The following COL21A1 variants were observed in gnomAD, a reference collection of about 807,000 sequenced individuals.
COL21A1 encodes the protein collagen alpha-1(XXI) chain.
In COL21A1, 149 loss-of-function variants were observed where a neutral mutation model predicts 137.9. The observed-to-expected ratio is 1.08, with a 90% CI of 0.95 to 1.24. The LOEUF (loss-of-function observed/expected upper bound fraction) is 1.24. COL21A1 is among the 50% of genes most tolerant of loss of function. The pLI is 0.00. For missense variants in COL21A1, 1,167 were observed against 1,158.4 expected, an observed-to-expected ratio of 1.01 and a Z score of -0.11; for synonymous variants, 456 against 391.5, an observed-to-expected ratio of 1.16 and a Z score of -1.95.
At chr6:56,352,439 T>A (rs896029419) in intron 1 of COL21A1, among the ~76,000 whole-genome samples, 1 of 151,938 alleles carries the variant, frequency 6.6e-6, no homozygotes, top group East Asian at 1.9e-4. Context: ...AATAGGTGTA[T>A]GTCAGAAAAT....
intron 1 of COL21A1, among the ~76,000 whole-genome samples, chr6:56,292,400 C>CA (rs913386973): frequency 7.1e-6 from 1 of 141,302 alleles, no homozygotes. Flanking sequence ...GACCCCCCCC[C>CA]TCCCCCGCCA....
chr6:56,193,334 A>T (rs1475204924), intron 1 of COL21A1, among the ~76,000 whole-genome samples: 4 of 152,180 alleles, frequency 2.6e-5, no homozygotes, highest in Admixed American at 6.5e-5. Context: ...TAAAAAATTT[A>T]AAAAAAGAAA....
chr6:56,190,530 A>G (rs1778595741), intron 1 of COL21A1, among the ~76,000 whole-genome samples: 1 of 152,230 alleles, frequency 6.6e-6, no homozygotes, highest in African/African-American at 2.4e-5. Flanking sequence ...AGCTGGTATC[A>G]TTCCTTCTGA....
chr6:56,130,080 A>T (rs1327077021), intron 12 of COL21A1, among the ~76,000 whole-genome samples: 1 of 149,748 alleles, frequency 6.7e-6, no homozygotes, highest in Non-Finnish European at 1.5e-5. Context: ...CAGGTTCTGA[A>T]GATTCCTCAC....
At chr6:56,307,626 CT>C (rs1218103515) in intron 1 of COL21A1, among the ~76,000 whole-genome samples, 1 of 152,234 alleles carries the variant, frequency 6.6e-6, no homozygotes, top group Admixed American at 6.5e-5. Flanking sequence ...TCTGTCACCC[CT>C]GTCTTTGACT....
intron 17 of COL21A1, among the ~76,000 whole-genome samples, chr6:56,099,643 TTG>T (rs1164817105): frequency 6.6e-6 from 1 of 150,870 alleles, no homozygotes; most frequent in African/African-American, 2.4e-5. Flanking sequence ...TCACCTCTCT[TTG>T]TGTTTCTTAT....
intron 1 of COL21A1, among the ~76,000 whole-genome samples, chr6:56,379,712 G>A (rs1387058779): frequency 6.6e-6 from 1 of 152,044 alleles, no homozygotes; most frequent in Non-Finnish European, 1.5e-5. Context: ...AAGAGCATAG[G>A]ATTTCGTATT....
intron 1 of COL21A1, among the ~76,000 whole-genome samples, chr6:56,360,606 A>T (rs181218236): frequency 6.6e-6 from 1 of 152,326 alleles, no homozygotes; most frequent in Admixed American, 6.5e-5. Context: ...ATTTAAAACC[A>T]AAATCGTGTA....
At chr6:56,137,789 A>T (rs576717476) in intron 12 of COL21A1, among the ~76,000 whole-genome samples, 1 of 152,320 alleles carries the variant, frequency 6.6e-6, no homozygotes, top group East Asian at 1.9e-4. Flanking sequence ...AAGGCAAGAC[A>T]TGGAATTAAT....
rs761746435 is a variant in COL21A1, at chr6:56,167,023, A to G, written c.1201-40T>C. The G allele has an allele frequency of 6.1e-6, 9 of 1,477,724 alleles. No individual in the cohort carries two copies. The East Asian group carries it at 1.8e-4, about 30-fold the overall frequency. 91.5% of individuals were successfully genotyped at this position (1,477,724 alleles called of 1,614,324 possible). On this transcript the variant is annotated intron_variant, in intron 6 of 29. Transcript: ENST00000244728. ...CCAGTAGAATTAAAGTTGAGGCACA[A>G]GCTAATTGTTTTATAAGAGCAACTC...
At chr6:56,337,483 C>T (rs889878185) in intron 1 of COL21A1, among the ~76,000 whole-genome samples, 4 of 152,196 alleles carry the variant, frequency 2.6e-5, no homozygotes, top group East Asian at 1.9e-4. Flanking sequence ...TAGACCTTTG[C>T]GGTTCTTAAT....
intron 3 of COL21A1, among the ~76,000 whole-genome samples, chr6:56,175,760 T>C (rs1431633546): frequency 6.6e-6 from 1 of 152,136 alleles, no homozygotes; most frequent in East Asian, 1.9e-4. Flanking sequence ...TAACGTTTTT[T>C]ATAGAAGTAG....
intron 1 of COL21A1, among the ~76,000 whole-genome samples, chr6:56,262,408 C>T (rs868658887): frequency 1.2e-4 from 18 of 152,042 alleles, no homozygotes; most frequent in African/African-American, 4.1e-4. Context: ...CACAATAAGC[C>T]AATGACATGG....
chr6:56,371,010 T>C (rs1288465011), intron 1 of COL21A1, among the ~76,000 whole-genome samples: 1 of 152,206 alleles, frequency 6.6e-6, no homozygotes, highest in East Asian at 1.9e-4. Context: ...TGAATGATCA[T>C]CTTAAAAACC....
chr6:56,063,690 A>G (rs1407738103), intron 24 of COL21A1, among the ~76,000 whole-genome samples: 1 of 151,768 alleles, frequency 6.6e-6, no homozygotes, highest in Admixed American at 6.6e-5. Flanking sequence ...CTATGCTTAC[A>G]CTCTTCCCAA....
chr6:56,130,317 G>A (rs1422170261), intron 12 of COL21A1, among the ~76,000 whole-genome samples: 1 of 150,226 alleles, frequency 6.7e-6, no homozygotes, highest in Non-Finnish European at 1.5e-5. Flanking sequence ...AGCAGGAATG[G>A]GCAGAGTTCT....
intron 1 of COL21A1, among the ~76,000 whole-genome samples, chr6:56,196,508 A>G (rs1269211054): frequency 2.0e-5 from 3 of 152,166 alleles, no homozygotes; most frequent in Non-Finnish European, 4.4e-5. Flanking sequence ...AAGTACATAC[A>G]ATAAACTTGT....
At chr6:56,294,692 G>A (rs1764124342) in intron 1 of COL21A1, among the ~76,000 whole-genome samples, 1 of 151,998 alleles carries the variant, frequency 6.6e-6, no homozygotes, top group Admixed American at 6.6e-5. Flanking sequence ...TTAATGTACA[G>A]TTCTCTAAAT....
rs1470248269 is a variant in COL21A1, at chr6:56,213,405, G to A, written c.-38-30749C>T. On this transcript the variant is annotated intron_variant, in intron 1 of 29. Coordinates refer to ENST00000244728, the MANE Select transcript of COL21A1 (RefSeq NM_030820.4). ...AGCTCACTAATTGCTTTGTGTGGAG[G>A]GACTTGTCTCTCCAACTAGCAAGTG... is the stretch of plus-strand genomic sequence containing the variant. 4.6e-5 allele frequency among the ~76,000 whole-genome samples: 7 copies of A among 151,986 alleles called. No individual in the cohort carries two copies. In the East Asian group the frequency reaches 1.4e-3, roughly 30 times the overall value.
Sources: gnomAD v4.1 joint callset for allele counts (sites outside exome capture counted in the v4.1 genomes callset) on GRCh38, gnomAD v4.1.1 for gene constraint, MANE v1.5 for transcripts, NCBI Gene and HGNC (gene_info 2026-07-23, HGNC 2026-07-21) for gene names.